Variants in ENDOU observed in about 807,000 individuals in gnomAD.
The protein encoded by ENDOU is uridylate-specific endoribonuclease.
A neutral mutation model predicts 54.2 loss-of-function variants in ENDOU; 49 were observed. The observed-to-expected ratio is 0.90, with a 90% CI of 0.72 to 1.15. The LOEUF (loss-of-function observed/expected upper bound fraction) is 1.15. ENDOU is among the 50% of genes most tolerant of loss of function. ENDOU has a pLI of 0.00. For missense variants in ENDOU, 458 were observed against 511.4 expected (o/e 0.90, Z 1.01); for synonymous variants, 172 against 190.5 (o/e 0.90, Z 0.80).
intron 3 of ENDOU, 104 bp downstream of exon 3, chr12:47,718,025 G>T (rs2136681529): frequency 6.8e-6 from 7 of 1,025,748 alleles, no homozygotes; most frequent in Non-Finnish European, 2.9e-6. Context: ...CTCTCATCTG[G>T]CTGAGGCCTG....
intron 5 of ENDOU, 138 bp downstream of exon 5, chr12:47,716,752 G>T: frequency 2.3e-6 from 2 of 862,766 alleles, no homozygotes; most frequent in Non-Finnish European, 3.6e-6. Flanking sequence ...CCTCAAGATG[G>T]CTTTGTCTCT....
chr12:47,713,569 A>G (rs1165978276), intron 6 of ENDOU, among the ~76,000 whole-genome samples, 181 bp from the exon 7 acceptor site: 1 of 152,218 alleles, frequency 6.6e-6, no homozygotes, highest in African/African-American at 2.4e-5. Flanking sequence ...TGCCAAATCC[A>G]GATCTAAAGG....
intron 9 of ENDOU, 47 bp downstream of exon 9, chr12:47,711,586 G>A (rs1330713667): frequency 1.9e-6 from 3 of 1,593,426 alleles, no homozygotes; most frequent in Non-Finnish European, 2.6e-6. Context: ...GCTGAGGACA[G>A]CCTGCAGCCC....
rs992044953 is a variant in ENDOU at position 47,717,728 on chromosome 12, C to G, written c.245-73G>C. 5.9e-6 allele frequency: 9 copies of G among 1,517,340 alleles called. No homozygotes were observed. The East Asian group carries it at 9.1e-5, about 15-fold the overall frequency. The allele number at this position is 1,517,340 out of a possible 1,614,324, so 94.0% of individuals were successfully genotyped here. ...TCTGAACGCCCCACAGGCTGTCGCT[C>G]CCTAGCCTGGCTGTCTTCACTCTGC... On this transcript the variant is annotated intron_variant, in intron 3 of 9. Coordinates refer to ENST00000422538, the MANE Select transcript of ENDOU (RefSeq NM_001172439.2).
chr12:47,713,305 CCCCCTCTTCATTGCCTCTTGAATAGAG>C lies in ENDOU; in HGVS notation c.808_834del (p.Leu270_Gly278del), dbSNP rs757763694. The C allele has an allele frequency of 6.2e-7, 1 of 1,613,554 alleles. No individual in the cohort carries two copies. The highest frequency in any genetic ancestry group is 8.5e-7 in the Non-Finnish European group (1 of 1,179,466). On this transcript the variant is annotated inframe_deletion, in exon 7 of 10. Coordinates refer to ENST00000422538, the MANE Select transcript of ENDOU (RefSeq NM_001172439.2). ...AAGACATGTTCAAAGCCACTCGAGT[CCCCCTCTTCATTGCCTCTTGAATAGAG>C]CCCAAACCACATGTTCTTCAAGTCA...
intron 2 of ENDOU, among the ~76,000 whole-genome samples, chr12:47,718,859 G>A (rs1192607760): frequency 6.6e-6 from 1 of 152,124 alleles, no homozygotes; most frequent in Non-Finnish European, 1.5e-5. Context: ...TCATCACACA[G>A]TGGAATAATC....
In ENDOU at chr12:47,710,937, G is replaced by A. The variant is rs773939707; in HGVS notation, c.1116-18C>T. The A allele has an allele frequency of 6.4e-7, 1 of 1,559,174 alleles. No homozygotes were observed. Among genetic ancestry groups the A allele is most frequent in the Non-Finnish European group, 8.8e-7 (1 of 1,132,388 alleles). ...ACTGGCACCTGTGGGGAAAGAGCCT[G>A]AAATCAGAGGAGCTCCCCACTTCAC... On this transcript the variant is annotated intron_variant, in intron 9 of 9. Transcript: ENST00000422538.
chr12:47,715,098 C>T (rs1342338130), intron 6 of ENDOU, among the ~76,000 whole-genome samples: 29 of 152,228 alleles, frequency 1.9e-4, no homozygotes, highest in Non-Finnish European at 1.5e-5. Context: ...AGGGTCAAGT[C>T]ACTAGCAAGT....
At chr12:47,713,533 T>C (rs1940115702) in intron 6 of ENDOU, 145 bp from the exon 7 acceptor site, 2 of 625,458 alleles carry the variant, frequency 3.2e-6, no homozygotes, top group Non-Finnish European at 5.7e-6. Flanking sequence ...GTTAATTCAA[T>C]GATTATCTAT....
At chr12:47,725,300 C>T (rs1940550017) in intron 1 of ENDOU, 59 bp downstream of exon 1, 6 of 1,589,868 alleles carry the variant, frequency 3.8e-6, no homozygotes, top group Non-Finnish European at 5.2e-6. Flanking sequence ...CAACTCTCTG[C>T]TTCTTTAGGC....
At chr12:47,721,240 C>T (rs1305540081) in intron 1 of ENDOU, among the ~76,000 whole-genome samples, 2 of 152,216 alleles carry the variant, frequency 1.3e-5, no homozygotes, top group Non-Finnish European at 2.9e-5. Flanking sequence ...TGATGCTCAG[C>T]TCTAGCCGAT....
In ENDOU at chr12:47,713,379, C is replaced by A. The variant is rs1202117754; in HGVS notation, c.761G>T (p.Gly254Val). The A allele has an allele frequency of 6.2e-7, 1 of 1,613,534 alleles. No homozygotes were observed. Among genetic ancestry groups the A allele is most frequent in the South Asian group, 1.1e-5 (1 of 91,072 alleles). ...GTCATCGACAAACTCTTGCTCTGAG[C>A]CATAGCGATCTGCAGAGGAACACAA... Reference protein sequence around the residue: ...YSFLHHQNRYGSEQEFVDDLK... With the variant: ...YSFLHHQNRYVSEQEFVDDLK... The change falls in exon 7 of 10, where the codon GGC (glycine) becomes GTC (valine). Residue 254 changes from glycine to valine, a missense_variant. Gly to Val is a moderately radical substitution (Grantham distance 109, BLOSUM62 -3). Transcript: ENST00000422538.
Position 47,716,404 on chromosome 12 carries a change from C to T in ENDOU, c.647G>A (p.Gly216Glu). 2 of 1,614,186 alleles carry T rather than the reference C, an allele frequency of 1.2e-6. No homozygotes were observed. The highest frequency in any genetic ancestry group is 1.7e-6 in the Non-Finnish European group (2 of 1,180,032). Reference protein sequence around the residue: ...LNNYQRATGHGEHFSAQELAE... With the variant: ...LNNYQRATGHEEHFSAQELAE... ...CAGCTCCTGGGCACTGAAGTGCTCC[C>T]CATGGCCTGTTGCCCGCTGGTAGTT... Residue 216 changes from glycine (G) to glutamate (E), a missense_variant, in exon 6 of 10, where the codon GGG becomes GAG. Transcript: ENST00000422538.
intron 6 of ENDOU, among the ~76,000 whole-genome samples, chr12:47,716,096 CA>C (rs1281504480): frequency 6.6e-6 from 1 of 152,172 alleles, no homozygotes; most frequent in East Asian, 1.9e-4. Context: ...GCCAGCCAGC[CA>C]GAGGATGTGC....
At chr12:47,713,132 T>G in intron 7 of ENDOU, 143 bp downstream of exon 7, 15 of 596,526 alleles carry the variant, frequency 2.5e-5, no homozygotes, top group Non-Finnish European at 3.0e-5. Flanking sequence ...CCCCCTGCCA[T>G]ATGGGCAGGG....
intron 1 of ENDOU, among the ~76,000 whole-genome samples, chr12:47,721,134 A>G (rs1940421188): frequency 1.3e-5 from 2 of 152,196 alleles, no homozygotes; most frequent in Admixed American, 6.5e-5. Context: ...GGTTAGGCCC[A>G]TAACATAAGC....
chr12:47,720,513 CTG>C, intron 2 of ENDOU: 1 of 377,836 alleles, frequency 2.6e-6, no homozygotes, highest in Non-Finnish European at 4.7e-6. Context: ...ATTGTTAAAA[CTG>C]ATATTTCAGA....
Position 47,717,529 on chromosome 12 carries a change from C to T in ENDOU, c.371G>A (p.Cys124Tyr). ...GNCCKDFESL[C>Y]SDHEVSHSSD... ...AGCAGAAGACTAACCGTGGTCACTA[C>T]ACAGGCTCTCAAAATCCTTGCAGCA... Residue 124 changes from cysteine (C) to tyrosine (Y), a missense_variant, in exon 4 of 10, where the codon TGT (cysteine) becomes TAT (tyrosine). By Grantham distance (194) the Cys-to-Tyr change is radical. Coordinates refer to ENST00000422538, the MANE Select transcript of ENDOU (RefSeq NM_001172439.2). The T allele has an allele frequency of 6.2e-7, 1 of 1,614,182 alleles. No individual in the cohort carries two copies. The highest frequency in any genetic ancestry group is 8.5e-7 in the Non-Finnish European group (1 of 1,180,002).
chr12:47,711,393 C>T (rs58350284), intron 9 of ENDOU, among the ~76,000 whole-genome samples: 4,857 of 152,184 alleles, frequency 0.032, 254 homozygotes, highest in African/African-American at 0.11. Flanking sequence ...TAAGGTCCTG[C>T]GTAAGATTTC....
Sources: gnomAD v4.1 joint callset for allele counts (sites outside exome capture counted in the v4.1 genomes callset) on GRCh38, gnomAD v4.1.1 for gene constraint, MANE v1.5 for transcripts, NCBI Gene and HGNC (gene_info 2026-07-23, HGNC 2026-07-21) for gene names.